Variants in CNTN4 observed in about 807,000 individuals in gnomAD.
The protein encoded by CNTN4 is contactin-4.
A neutral mutation model predicts 122.5 loss-of-function variants in CNTN4; 77 were observed. That is an observed-to-expected ratio of 0.63 (90% CI 0.52 to 0.76). The LOEUF is 0.76. Ranked by LOEUF, CNTN4 falls within the 30% of genes least tolerant of loss-of-function variation. CNTN4 has a pLI of 0.00. For missense variants in CNTN4, 1,256 were observed against 1,259.1 expected (o/e 1.00, Z 0.04); for synonymous variants, 512 against 447.0 (o/e 1.15, Z -1.83).
intron 2 of CNTN4, among the ~76,000 whole-genome samples, chr3:2,129,769 A>C (rs952736757): frequency 6.6e-6 from 1 of 151,592 alleles, no homozygotes; most frequent in Non-Finnish European, 1.5e-5. Context: ...AGTTTCCTTC[A>C]TTTACCTACC....
At chr3:2,200,059 G>C (rs889945272) in intron 2 of CNTN4, among the ~76,000 whole-genome samples, 1 of 152,090 alleles carries the variant, frequency 6.6e-6, no homozygotes, top group East Asian at 1.9e-4. Flanking sequence ...ACAAGGTTAT[G>C]ATTTAGTTTA....
At chr3:2,247,279 C>T (rs751748566) in intron 2 of CNTN4, among the ~76,000 whole-genome samples, 1 of 152,106 alleles carries the variant, frequency 6.6e-6, no homozygotes, top group East Asian at 1.9e-4. Flanking sequence ...CCTATTAAAT[C>T]ATCAGATGCC....
chr3:2,618,462 A>G (rs994745512), intron 4 of CNTN4, among the ~76,000 whole-genome samples: 35 of 152,184 alleles, frequency 2.3e-4, no homozygotes, highest in African/African-American at 8.0e-4. Context: ...TATCTATTCT[A>G]TAAGATTGTT....
chr3:2,159,999 GTGTTTCCTCTC>G (rs1446598214), intron 2 of CNTN4, among the ~76,000 whole-genome samples: 4 of 151,698 alleles, frequency 2.6e-5, no homozygotes, highest in Non-Finnish European at 5.9e-5. Flanking sequence ...TCTTTGCTTT[GTGTTTCCTCTC>G]TGTCTTCCTA....
intron 4 of CNTN4, among the ~76,000 whole-genome samples, chr3:2,602,563 C>CA: frequency 6.6e-6 from 1 of 152,236 alleles, no homozygotes; most frequent in Non-Finnish European, 1.5e-5. Context: ...AGGAGAACTA[C>CA]AAAACACTGC....
chr3:2,982,659 C>G (rs1005530739), intron 13 of CNTN4, among the ~76,000 whole-genome samples: 4 of 152,114 alleles, frequency 2.6e-5, no homozygotes, highest in Non-Finnish European at 5.9e-5. Context: ...TGATGGCATG[C>G]TTCTACACCC....
intron 18 of CNTN4, 66 bp from the exon 19 acceptor site, chr3:3,038,867 G>A: frequency 7.2e-7 from 1 of 1,380,346 alleles, no homozygotes; most frequent in South Asian, 1.2e-5. Flanking sequence ...CCTCTGCCAG[G>A]CAACCTTCCT....
intron 3 of CNTN4, among the ~76,000 whole-genome samples, chr3:2,405,595 G>GTAGATAGGTAGATAGA (rs1294347755): frequency 3.0e-4 from 45 of 150,110 alleles, no homozygotes; most frequent in Non-Finnish European, 5.5e-4. Context: ...TTATAGATAG[G>GTAGATAGGTAGATAGA]TAGATAGATA....
intron 3 of CNTN4, among the ~76,000 whole-genome samples, chr3:2,462,978 C>T (rs1279731070): frequency 1.3e-5 from 2 of 152,168 alleles, no homozygotes; most frequent in African/African-American, 4.8e-5. Flanking sequence ...TCCAGCACAT[C>T]TCATTTTGGA....
At chr3:2,720,332 C>G (rs1244588598) in intron 4 of CNTN4, among the ~76,000 whole-genome samples, 1 of 152,018 alleles carries the variant, frequency 6.6e-6, no homozygotes, top group Non-Finnish European at 1.5e-5. Flanking sequence ...CATTACCTAC[C>G]CTCTTTCCAG....
intron 3 of CNTN4, among the ~76,000 whole-genome samples, chr3:2,568,234 C>G (rs1423231003): frequency 7.3e-6 from 1 of 136,862 alleles, no homozygotes; most frequent in Non-Finnish European, 1.5e-5. Context: ...GTTTTCAGCA[C>G]TTTGTACTGA....
intron 4 of CNTN4, among the ~76,000 whole-genome samples, chr3:2,594,094 A>T (rs949440870): frequency 4.6e-5 from 7 of 152,182 alleles, no homozygotes; most frequent in African/African-American, 1.7e-4. Flanking sequence ...TATTCAAGAT[A>T]CGTTTTACAA....
chr3:2,366,347 A>G (rs1489214491), intron 3 of CNTN4, among the ~76,000 whole-genome samples: 3 of 152,242 alleles, frequency 2.0e-5, no homozygotes, highest in East Asian at 1.9e-4. Context: ...AATTTTAAAC[A>G]TCAGGACCTA....
At chr3:3,035,902 C>A (rs1311725275) in intron 17 of CNTN4, among the ~76,000 whole-genome samples, 1 of 150,376 alleles carries the variant, frequency 6.6e-6, no homozygotes, top group Non-Finnish European at 1.5e-5. Context: ...CATGAGATTT[C>A]TTTTTAACCA....
At chr3:2,104,953 G>C (rs929136786) in intron 2 of CNTN4, among the ~76,000 whole-genome samples, 1 of 152,122 alleles carries the variant, frequency 6.6e-6, no homozygotes, top group African/African-American at 2.4e-5. Flanking sequence ...GTCTGGGTGG[G>C]ATTCCGTTTC....
intron 3 of CNTN4, among the ~76,000 whole-genome samples, chr3:2,470,291 G>A (rs1429661559): frequency 6.6e-6 from 1 of 151,864 alleles, no homozygotes; most frequent in African/African-American, 2.4e-5. Context: ...TTAGCCCAGT[G>A]GTCTCGATCT....
At position 2,883,264 on chromosome 3, in the gene CNTN4, G is replaced by A. The variant is rs141795297; in HGVS notation, c.755+17G>A. The A allele has an allele frequency of 2.5e-4, 391 of 1,582,272 alleles. 1 individual carries two copies. Among genetic ancestry groups the A allele is most frequent in the South Asian group, 7.6e-4 (68 of 89,756 alleles). ...TTTAGGAAAGTAAGTTCTGGTTTGC[G>A]TTCCTTCTCATCCTCCCTTCAGCTT... On this transcript the variant is annotated intron_variant, in intron 9 of 24. Coordinates refer to ENST00000418658, the MANE Select transcript of CNTN4 (RefSeq NM_175607.3).
chr3:2,122,015 G>T (rs1036406074), intron 2 of CNTN4, among the ~76,000 whole-genome samples: 1 of 133,612 alleles, frequency 7.5e-6, no homozygotes, highest in African/African-American at 2.6e-5. Flanking sequence ...AATTAGCCGG[G>T]CGTGGTGGCG....
At position 2,726,983 on chromosome 3, in the gene CNTN4, GA is replaced by G. The variant is rs558478780; in HGVS notation, c.56-9226del. Among the ~76,000 whole-genome samples, 102 of 152,194 alleles carry G rather than the reference GA, an allele frequency of 6.7e-4. 1 individual carries two copies. Among genetic ancestry groups the G allele is most frequent in the South Asian group, 4.1e-3 (20 of 4,820 alleles). ...TTTTCTGTAAACCTCAAACTGCTCT[GA>G]AAAAATAAAGTTCTATTAATTAAAA... On this transcript the variant is annotated intron_variant, in intron 4 of 24. Coordinates refer to ENST00000418658, the MANE Select transcript of CNTN4 (RefSeq NM_175607.3).
Sources: allele counts gnomAD v4.1 joint callset (sites outside exome capture counted in the v4.1 genomes callset), GRCh38; gene constraint gnomAD v4.1.1; transcripts MANE v1.5; gene names NCBI Gene and HGNC (gene_info 2026-07-23, HGNC 2026-07-21).